Variants in LRRC4C observed in about 807,000 individuals in gnomAD.
LRRC4C encodes the protein leucine rich repeat containing 4C, also known as leucine-rich repeat-containing protein 4C.
Under a neutral mutation model 33.6 loss-of-function variants are expected in LRRC4C, and 5 were observed. That is an observed-to-expected ratio of 0.15 (90% CI 0.08 to 0.31). The LOEUF is 0.31. LRRC4C is among the 10% of genes least tolerant of loss of function. The pLI, the probability that LRRC4C is intolerant of heterozygous loss-of-function variation, is 1.00. For synonymous variants in LRRC4C, 329 were observed against 302.0 expected (o/e 1.09, Z -0.93); for missense variants, 560 against 796.7 (o/e 0.70, Z 3.58).
chr11:40,978,374 T>G (rs1852241462), intron 1 of LRRC4C, among the ~76,000 whole-genome samples: 2 of 152,306 alleles, frequency 1.3e-5, no homozygotes, highest in South Asian at 4.1e-4. Flanking sequence ...TACTCTCTGG[T>G]TCTTAACTGG....
chr11:41,030,278 A>G (rs1026586773), intron 1 of LRRC4C, among the ~76,000 whole-genome samples: 1 of 151,920 alleles, frequency 6.6e-6, no homozygotes, highest in Non-Finnish European at 1.5e-5. Context: ...AGAGCTATGC[A>G]GCTATTCCTC....
chr11:40,895,793 A>T (rs539922000), intron 2 of LRRC4C, among the ~76,000 whole-genome samples: 1 of 152,284 alleles, frequency 6.6e-6, no homozygotes, highest in East Asian at 1.9e-4. Flanking sequence ...AAGTATTATT[A>T]TCTGCTAATA....
Position 41,301,642 on chromosome 11 carries a change from C to G in LRRC4C, c.-496+157789G>C, listed in dbSNP as rs186475048. On this transcript the variant is annotated intron_variant, in intron 1 of 6. Transcript: ENST00000528697. ...GGAACCATAGACTAGTGACTGGATG[C>G]TATTTCTGTCAGATATTAAATAATT... 3.4e-3 allele frequency among the ~76,000 whole-genome samples: 525 copies of G among 152,222 alleles called. 3 individuals carry two copies. The highest frequency in any genetic ancestry group is 5.6e-3 in the Non-Finnish European group (384 of 68,004).
At chr11:40,229,504 C>G (rs748975912) in intron 5 of LRRC4C, among the ~76,000 whole-genome samples, 24 of 152,058 alleles carry the variant, frequency 1.6e-4, no homozygotes, top group Non-Finnish European at 2.2e-4. Flanking sequence ...AACTCCTGAC[C>G]TCAAATAATC....
intron 1 of LRRC4C, among the ~76,000 whole-genome samples, chr11:40,971,380 T>C (rs1851717019): frequency 6.6e-6 from 1 of 152,172 alleles, no homozygotes; most frequent in Non-Finnish European, 1.5e-5. Context: ...GAGCTACTGC[T>C]TCAGAAGAGC....
intron 1 of LRRC4C, among the ~76,000 whole-genome samples, chr11:41,018,863 G>A (rs1290976317): frequency 2.0e-5 from 3 of 151,896 alleles, no homozygotes; most frequent in African/African-American, 7.3e-5. Context: ...GTTGAAACTG[G>A]GTTCATTCTC....
At chr11:40,807,551 C>G (rs920816053) in intron 2 of LRRC4C, among the ~76,000 whole-genome samples, 1 of 152,188 alleles carries the variant, frequency 6.6e-6, no homozygotes, top group Non-Finnish European at 1.5e-5. Flanking sequence ...AGAACAGAAG[C>G]CTTGAAGACT....
At chr11:41,347,425 T>A (rs951748911) in intron 1 of LRRC4C, among the ~76,000 whole-genome samples, 3 of 152,158 alleles carry the variant, frequency 2.0e-5, no homozygotes, top group African/African-American at 7.2e-5. Flanking sequence ...TCTTATGGCA[T>A]CCCTGACTCT....
chr11:41,133,765 C>T (rs947908621), intron 1 of LRRC4C, among the ~76,000 whole-genome samples: 4 of 152,148 alleles, frequency 2.6e-5, no homozygotes, highest in Non-Finnish European at 5.9e-5. Flanking sequence ...ATCAATCATG[C>T]TACATAGCAT....
In LRRC4C at chr11:40,604,463, T is replaced by C. The variant is rs1960352719; in HGVS notation, c.-270+43679A>G. Among the ~76,000 whole-genome samples, 3 of 152,256 alleles carry C rather than the reference T, an allele frequency of 2.0e-5. No individual in the cohort carries two copies. The South Asian group carries it at 6.2e-4, about 32-fold the overall frequency. ...TGAGCTTGTATTTTATGATCTCTAA[T>C]ATGAGGTGAGAAAATTCCTTCATGT... On this transcript the variant is annotated intron_variant, in intron 3 of 6. Transcript: ENST00000528697.
chr11:40,727,174 A>C (rs1156783858), intron 2 of LRRC4C, among the ~76,000 whole-genome samples: 1 of 152,194 alleles, frequency 6.6e-6, no homozygotes, highest in Non-Finnish European at 1.5e-5. Flanking sequence ...ACATACTGTA[A>C]GGCTCCAGTA....
At chr11:40,471,124 G>A (rs1251069483) in intron 3 of LRRC4C, among the ~76,000 whole-genome samples, 1 of 152,124 alleles carries the variant, frequency 6.6e-6, no homozygotes, top group Non-Finnish European at 1.5e-5. Context: ...AATGTTAAGG[G>A]CAGCCAGAGA....
chr11:40,726,885 C>A lies in LRRC4C; in HGVS notation c.-406-78607G>T, dbSNP rs561176602. Among the ~76,000 whole-genome samples the A allele has an allele frequency of 5.3e-4, 81 of 151,826 alleles. No individual in the cohort carries two copies. The South Asian group carries it at 0.011, about 21-fold the overall frequency. The stretch of plus-strand genomic sequence containing the variant: ...AAAACTCTGCCAAAAGGCTCCTCGG[C>A]CTGATAAATAACTTAGATAGGGTTT... On this transcript the variant is annotated intron_variant, in intron 2 of 6. Transcript: ENST00000528697.
intron 1 of LRRC4C, among the ~76,000 whole-genome samples, chr11:41,163,984 T>C (rs1944602481): frequency 6.6e-6 from 1 of 152,106 alleles, no homozygotes; most frequent in Admixed American, 6.6e-5. Context: ...ATTTATGGGG[T>C]ACAGCTGATA....
intron 3 of LRRC4C, among the ~76,000 whole-genome samples, chr11:40,377,153 G>C (rs752338937): frequency 1.3e-5 from 2 of 152,048 alleles, no homozygotes; most frequent in African/African-American, 4.8e-5. Context: ...TTTGGGGCTC[G>C]GGTTGATTAT....
At chr11:40,915,932 A>T (rs184182455) in intron 2 of LRRC4C, among the ~76,000 whole-genome samples, 6,130 of 152,322 alleles carry the variant, frequency 0.04, 178 homozygotes, top group South Asian at 0.14. Context: ...TGCAGCCAAC[A>T]GACACATGAA....
rs1201976850 is a variant in LRRC4C at position 40,479,657 on chromosome 11, T to G, written c.-269-159936A>C. Among the ~76,000 whole-genome samples, 3 of 152,172 alleles carry G rather than the reference T, an allele frequency of 2.0e-5. 1 individual carries two copies. The highest frequency in any genetic ancestry group is 4.4e-5 in the Non-Finnish European group (3 of 68,024). On this transcript the variant is annotated intron_variant, in intron 3 of 6. Coordinates refer to ENST00000528697, the MANE Select transcript of LRRC4C (RefSeq NM_001258419.2). ...AGTGCCAAGTTCCTATTGCAGACTG[T>G]CACTCATGAATCTCTTGAGGGTCAT...
chr11:40,846,245 T>C (rs1345527953), intron 2 of LRRC4C, among the ~76,000 whole-genome samples: 2 of 152,286 alleles, frequency 1.3e-5, no homozygotes, highest in African/African-American at 2.4e-5. Flanking sequence ...AGTCATGAAG[T>C]CTTTGTCCAT....
intron 2 of LRRC4C, among the ~76,000 whole-genome samples, chr11:40,656,134 T>C (rs1032912953): frequency 2.0e-5 from 3 of 152,100 alleles, no homozygotes; most frequent in Non-Finnish European, 4.4e-5. Flanking sequence ...AAACTACCTC[T>C]TAGCAGTTTA....
Sources: gnomAD v4.1 joint callset for allele counts (sites outside exome capture counted in the v4.1 genomes callset) on GRCh38, gnomAD v4.1.1 for gene constraint, MANE v1.5 for transcripts, NCBI Gene and HGNC (gene_info 2026-07-23, HGNC 2026-07-21) for gene names.